The following GTF2A1L variants were observed in gnomAD, a reference collection of about 807,000 sequenced individuals.
GTF2A1L encodes the protein general transcription factor IIA subunit 1 like.
In GTF2A1L, 48 loss-of-function variants were observed where a neutral mutation model predicts 49.7. That is an observed-to-expected ratio of 0.97 (90% CI 0.77 to 1.23). The LOEUF is 1.23. GTF2A1L is among the 50% of genes most tolerant of loss of function. The pLI, the probability that GTF2A1L is intolerant of heterozygous loss-of-function variation, is 0.00. For synonymous variants in GTF2A1L, 246 were observed against 193.5 expected (o/e 1.27, Z -2.25); for missense variants, 736 against 564.8 (o/e 1.30, Z -3.07).
intron 6 of GTF2A1L, among the ~76,000 whole-genome samples, chr2:48,667,682 A>T (rs182764854): frequency 2.2e-4 from 34 of 152,352 alleles, no homozygotes; most frequent in Admixed American, 1.4e-3. Flanking sequence ...AATTAATTAC[A>T]TGTAAACTTA....
intron 6 of GTF2A1L, among the ~76,000 whole-genome samples, chr2:48,661,476 A>C (rs1235080819): frequency 1.3e-5 from 2 of 150,410 alleles, no homozygotes; most frequent in Non-Finnish European, 3.0e-5. Context: ...CTGATCTCGA[A>C]CTCCTGACCT....
rs1227885474 is a variant in GTF2A1L at position 48,646,847 on chromosome 2, G to A, written c.783G>A (p.Glu261=). The part of the protein sequence containing the change: ...PQVSQTNSNV[E]SVLSGSASMA... ...TCTCTCAAACAAATTCTAATGTGGA[G>A]TCAGTGCTCAGTGGTTCAGCTAGCA... Residue 261 remains glutamate, a synonymous_variant, in exon 6 of 9, where the codon GAG becomes GAA. Coordinates refer to ENST00000403751, the MANE Select transcript of GTF2A1L (RefSeq NM_006872.5). The A allele has an allele frequency of 6.2e-7, 1 of 1,613,940 alleles. No individual in the cohort carries two copies. Among genetic ancestry groups the A allele is most frequent in the African/African-American group, 1.3e-5 (1 of 74,918 alleles).
At chr2:48,618,082 G>A (rs957643204) in intron 1 of GTF2A1L, 187 bp downstream of exon 1, 3 of 598,336 alleles carry the variant, frequency 5.0e-6, no homozygotes, top group East Asian at 3.0e-5. Flanking sequence ...CAGTAGTTCA[G>A]CAGGAAGTTG....
In GTF2A1L at chr2:48,675,781, A is replaced by G. The variant is rs187303192; in HGVS notation, c.1330-3554A>G. Among the ~76,000 whole-genome samples, 13 of 152,018 alleles carry G rather than the reference A, an allele frequency of 8.6e-5. No individual in the cohort carries two copies. The East Asian group carries it at 2.5e-3, about 29-fold the overall frequency. ...GCTGACTTTATCCCTTAGATGCTAT[A>G]CAATGATTAATTTCTAGGTGTGTAG... On this transcript the variant is annotated intron_variant, in intron 8 of 8. Transcript: ENST00000403751.
At position 48,642,411 on chromosome 2, in the gene GTF2A1L, T is replaced by A; in HGVS notation, c.257T>A (p.Val86Asp). ...TTTGTTTCCTATGCAGCATCATTAGTTATTCCTGCTGGTAGAACTCTTCCA... is the reference window on the plus strand; with the variant it reads ...TTTGTTTCCTATGCAGCATCATTAGATATTCCTGCTGGTAGAACTCTTCCA... ...QTLQSSTASL[V>D]IPAGRTLPSF... The change falls in exon 4 of 9, where the codon GTT becomes GAT. Residue 86 changes from valine (V) to aspartate (D), a missense_variant. Val to Asp is a radical substitution (Grantham distance 152). Transcript: ENST00000403751. 2.5e-6 allele frequency: 4 copies of A among 1,592,392 alleles called. No homozygotes were observed. Among genetic ancestry groups the A allele is most frequent in the Non-Finnish European group, 3.4e-6 (4 of 1,165,780 alleles).
rs146006326 is a variant in GTF2A1L at position 48,669,740 on chromosome 2, G to T, written c.997G>T (p.Asp333Tyr). 1.9e-6 allele frequency: 3 copies of T among 1,610,924 alleles called. No homozygotes were observed. Among genetic ancestry groups the T allele is most frequent in the Non-Finnish European group, 2.5e-6 (3 of 1,178,002 alleles). The change falls in exon 7 of 9, where the codon GAT (aspartate) becomes TAT (tyrosine). Residue 333 changes from aspartate to tyrosine, a missense_variant. Transcript: ENST00000403751. ...VSEKDSNSQV[D>Y]LSIRVTDDDI... ...TTTTTAGGATTCTAATTCTCAGGTG[G>T]ATTTAAGCATTCGGGTTACTGATGA...
intron 3 of GTF2A1L, among the ~76,000 whole-genome samples, chr2:48,630,800 G>C (rs1375630998): frequency 9.6e-6 from 1 of 104,594 alleles, no homozygotes; most frequent in African/African-American, 2.9e-5. Context: ...CTAGTTTCTT[G>C]AGGGTTTTTC....
chr2:48,635,021 A>G (rs1322824044), intron 3 of GTF2A1L, among the ~76,000 whole-genome samples: 6 of 152,174 alleles, frequency 3.9e-5, no homozygotes, highest in Admixed American at 3.9e-4. Flanking sequence ...CCTTGGCCCC[A>G]AGTTCTCTGC....
At chr2:48,629,898 G>C (rs1385338761) in intron 3 of GTF2A1L, among the ~76,000 whole-genome samples, 1 of 143,866 alleles carries the variant, frequency 7.0e-6, no homozygotes, top group African/African-American at 2.5e-5. Context: ...GCTTATTTTT[G>C]TCGACTTTGT....
At chr2:48,678,389 C>A (rs996029648) in intron 8 of GTF2A1L, among the ~76,000 whole-genome samples, 1 of 151,822 alleles carries the variant, frequency 6.6e-6, no homozygotes, top group Non-Finnish European at 1.5e-5. Flanking sequence ...GACTTTAAAA[C>A]CCCCCCACAA....
intron 1 of GTF2A1L, among the ~76,000 whole-genome samples, chr2:48,620,417 G>C (rs1449048637): frequency 6.6e-6 from 1 of 152,196 alleles, no homozygotes; most frequent in African/African-American, 2.4e-5. Flanking sequence ...TTTTAATGGT[G>C]ACTTCACAAG....
chr2:48,664,892 G>C (rs1057236992), intron 6 of GTF2A1L, among the ~76,000 whole-genome samples: 17 of 151,598 alleles, frequency 1.1e-4, no homozygotes, highest in Non-Finnish European at 2.1e-4. Flanking sequence ...TTCTCTCTCT[G>C]TCTGTCGTGC....
Position 48,628,668 on chromosome 2 carries a change from C to G in GTF2A1L, c.247+7378C>G, listed in dbSNP as rs541650588. Among the ~76,000 whole-genome samples, 5 of 144,166 alleles carry G rather than the reference C, an allele frequency of 3.5e-5. No homozygotes were observed. In the South Asian group the frequency reaches 1.2e-3, roughly 34 times the overall value. 94.6% of individuals were successfully genotyped at this position (144,166 alleles called of 152,430 possible). On this transcript the variant is annotated intron_variant, in intron 3 of 8. Coordinates refer to ENST00000403751, the MANE Select transcript of GTF2A1L (RefSeq NM_006872.5). ...TATTTTCTACCATCCTGTAGGTTGT[C>G]TGTTCACTCTGTTGGTAGCTTCTTT...
chr2:48,643,408 C>A (rs919684021), intron 4 of GTF2A1L, among the ~76,000 whole-genome samples: 1 of 152,118 alleles, frequency 6.6e-6, no homozygotes, highest in African/African-American at 2.4e-5. Context: ...CTTTGTAGGG[C>A]AAATGCTTAG....
At chr2:48,678,542 A>G (rs192859423) in intron 8 of GTF2A1L, among the ~76,000 whole-genome samples, 1 of 152,170 alleles carries the variant, frequency 6.6e-6, no homozygotes, top group East Asian at 1.9e-4. Flanking sequence ...ATATATTCCT[A>G]GGGCTTTTAA....
intron 3 of GTF2A1L, among the ~76,000 whole-genome samples, chr2:48,634,914 C>T (rs551305082): frequency 6.6e-6 from 1 of 152,254 alleles, no homozygotes; most frequent in South Asian, 2.1e-4. Context: ...ATCTACAGGT[C>T]CCCCAGTGGC....
intron 3 of GTF2A1L, among the ~76,000 whole-genome samples, chr2:48,641,475 G>A (rs1465674342): frequency 6.6e-6 from 1 of 152,074 alleles, no homozygotes; most frequent in East Asian, 1.9e-4. Context: ...TTTCCTTAAT[G>A]CAGTTTGTGA....
intron 3 of GTF2A1L, among the ~76,000 whole-genome samples, chr2:48,640,556 G>A (rs1677145525): frequency 6.6e-6 from 1 of 152,088 alleles, no homozygotes; most frequent in South Asian, 2.1e-4. Context: ...GGGCAGAGGA[G>A]TAGAAAAGAT....
rs549194137 is a variant in GTF2A1L at position 48,647,897 on chromosome 2, A to G, written c.978+855A>G. On this transcript the variant is annotated intron_variant, in intron 6 of 8. Coordinates refer to ENST00000403751, the MANE Select transcript of GTF2A1L (RefSeq NM_006872.5). Reference sequence around the variant, plus strand: ...TAAAATACATCTTGTGGCTAATTCTATTTACACAATTTAGGACATGTGAAA... The same window carrying G: ...TAAAATACATCTTGTGGCTAATTCTGTTTACACAATTTAGGACATGTGAAA... Among the ~76,000 whole-genome samples, 17 of 152,230 alleles carry G rather than the reference A, an allele frequency of 1.1e-4. No individual in the cohort carries two copies. The South Asian group carries it at 3.1e-3, about 28-fold the overall frequency.
Sources: allele counts gnomAD v4.1 joint callset (sites outside exome capture counted in the v4.1 genomes callset), GRCh38; gene constraint gnomAD v4.1.1; transcripts MANE v1.5; gene names NCBI Gene and HGNC (gene_info 2026-07-23, HGNC 2026-07-21).